The following KCNJ16 variants were observed in gnomAD, a reference collection of about 807,000 sequenced individuals.
KCNJ16 encodes the protein inward rectifier potassium channel 16.
A neutral mutation model predicts 18.5 loss-of-function variants in KCNJ16; 15 were observed. The ratio of observed to expected loss-of-function variants is 0.81; its 90% CI spans 0.54 to 1.25. The LOEUF (loss-of-function observed/expected upper bound fraction) is 1.25. Among genes scored for constraint, KCNJ16 ranks in the 50% most tolerant of loss-of-function variants. KCNJ16 has a pLI of 0.00. For missense variants in KCNJ16, 523 were observed against 525.7 expected (o/e 0.99, Z 0.05); for synonymous variants, 174 against 186.5 (o/e 0.93, Z 0.55).
intron 2 of KCNJ16, among the ~76,000 whole-genome samples, chr17:70,103,937 CTTTTT>C (rs71149820): frequency 7.6e-6 from 1 of 132,016 alleles, no homozygotes; most frequent in Non-Finnish European, 1.6e-5. Context: ...ATTTTATTAT[CTTTTT>C]TTTTTTTTTT....
rs2074145575 is a variant in KCNJ16 at position 70,133,738 on chromosome 17, A to G, written c.*394A>G. ...TACATTTTTAAACATGTCAACATTGATAATACAATGAAGATTTACCATAAA... is the reference window on the plus strand; with the variant it reads ...TACATTTTTAAACATGTCAACATTGGTAATACAATGAAGATTTACCATAAA... On this transcript the variant is annotated 3_prime_UTR_variant, in exon 4 of 4. Coordinates refer to ENST00000392671, the MANE Select transcript of KCNJ16 (RefSeq NM_170741.4). The G allele has an allele frequency of 5.7e-6, 1 of 176,748 alleles. No homozygotes were observed. Among genetic ancestry groups the G allele is most frequent in the East Asian group, 1.8e-4 (1 of 5,604 alleles). The allele number at this position is 176,748 out of a possible 1,614,324, so 10.9% of individuals were successfully genotyped here. A position where few individuals can be genotyped will look rare whatever the true frequency, so the allele number is the denominator to read the frequency against.
chr17:70,082,954 A>G (rs574440279), intron 1 of KCNJ16, among the ~76,000 whole-genome samples: 5 of 152,218 alleles, frequency 3.3e-5, no homozygotes, highest in South Asian at 4.1e-4. Context: ...TTCATCTACA[A>G]AATAAAAATA....
At chr17:70,103,295 T>TGTGTGTGTGG (rs1469513926) in intron 2 of KCNJ16, among the ~76,000 whole-genome samples, 1 of 26,170 alleles carries the variant, frequency 3.8e-5, no homozygotes, top group East Asian at 3.6e-3. Flanking sequence ...TATGTGTGTG[T>TGTGTGTGTGG]GTATATATAT....
intron 3 of KCNJ16, chr17:70,131,254 A>G (rs1217920344): frequency 2.3e-6 from 2 of 880,548 alleles, no homozygotes; most frequent in East Asian, 3.3e-5. Context: ...TATGAGACAA[A>G]GACAGAGGCA....
chr17:70,093,187 G>T (rs1337803702), intron 1 of KCNJ16, among the ~76,000 whole-genome samples: 1 of 152,212 alleles, frequency 6.6e-6, no homozygotes, highest in African/African-American at 2.4e-5. Flanking sequence ...AGTATTATTT[G>T]TCTAAGGCTG....
chr17:70,119,109 T>C (rs997043948), intron 2 of KCNJ16, among the ~76,000 whole-genome samples: 1 of 152,186 alleles, frequency 6.6e-6, no homozygotes, highest in African/African-American at 2.4e-5. Context: ...AGTCATAAAA[T>C]CTTAATGCTC....
chr17:70,100,429 C>T (rs1402959876), intron 1 of KCNJ16, among the ~76,000 whole-genome samples: 1 of 152,128 alleles, frequency 6.6e-6, no homozygotes, highest in Admixed American at 6.5e-5. Context: ...GTCTTCAGTA[C>T]TGGAATTTAC....
In KCNJ16 at chr17:70,132,179, G is replaced by A. The variant is rs776614087; in HGVS notation, c.92G>A (p.Arg31Lys). ...GAGCACATTATAGCTGAGAAGAGAA[G>A]AGCAAGAAGACGATTACTTCACAAA... is the stretch of plus-strand genomic sequence containing the variant. Reference protein sequence around the residue: ...PPEHIIAEKRRARRRLLHKDG... With the variant: ...PPEHIIAEKRKARRRLLHKDG... Residue 31 changes from arginine (R) to lysine (K), a missense_variant, in exon 4 of 4, where the codon AGA becomes AAA. Arg to Lys is a conservative substitution (Grantham distance 26). Coordinates refer to ENST00000392671, the MANE Select transcript of KCNJ16 (RefSeq NM_170741.4). The A allele has an allele frequency of 3.7e-6, 6 of 1,614,094 alleles. No homozygotes were observed. Among genetic ancestry groups the A allele is most frequent in the Admixed American group, 3.3e-5 (2 of 60,004 alleles).
At chr17:70,086,593 A>G (rs1335341028) in intron 1 of KCNJ16, among the ~76,000 whole-genome samples, 1 of 152,164 alleles carries the variant, frequency 6.6e-6, no homozygotes, top group Non-Finnish European at 1.5e-5. Context: ...AAGAAATAGG[A>G]TGTTTACTAT....
Position 70,134,770 on chromosome 17 carries a change from C to A in KCNJ16, c.*1426C>A, listed in dbSNP as rs559728046. 1.2e-5 allele frequency: 2 copies of A among 167,004 alleles called. No homozygotes were observed. The highest frequency in any genetic ancestry group is 2.9e-5 in the Non-Finnish European group (2 of 68,116). 10.3% of individuals were successfully genotyped at this position (167,004 alleles called of 1,614,324 possible). ...TTATTTAAATACACACCCAGACACA[C>A]ACACACACAGTTTTTGCTTTTTCTG... On this transcript the variant is annotated 3_prime_UTR_variant, in exon 4 of 4. Coordinates refer to ENST00000392671, the MANE Select transcript of KCNJ16 (RefSeq NM_170741.4).
chr17:70,091,743 A>C (rs536613718), intron 1 of KCNJ16, among the ~76,000 whole-genome samples: 1 of 152,300 alleles, frequency 6.6e-6, no homozygotes, highest in East Asian at 1.9e-4. Flanking sequence ...TTAGACACTT[A>C]AGGGCTGCTT....
rs1481895648 is a variant in KCNJ16, at chr17:70,133,368, T to C, written c.*24T>C. 1.3e-6 allele frequency: 2 copies of C among 1,572,580 alleles called. No homozygotes were observed. The highest frequency in any genetic ancestry group is 1.7e-6 in the Non-Finnish European group (2 of 1,155,660). ...AGTCCTAAATTGCAATTATGAGGGC[T>C]ACCACTGAATCATTTTATCTTTCAG... On this transcript the variant is annotated 3_prime_UTR_variant, in exon 4 of 4. Coordinates refer to ENST00000392671, the MANE Select transcript of KCNJ16 (RefSeq NM_170741.4).
chr17:70,089,328 CGTAA>C (rs748901264), intron 1 of KCNJ16, among the ~76,000 whole-genome samples: 27 of 152,066 alleles, frequency 1.8e-4, no homozygotes, highest in Admixed American at 9.2e-4. Context: ...CAGTTGGCCC[CGTAA>C]GTTTTTATTT....
At chr17:70,087,023 C>T (rs11657472) in intron 1 of KCNJ16, among the ~76,000 whole-genome samples, 129,256 of 151,334 alleles carry the variant, frequency 0.85, 55,309 homozygotes, top group East Asian at 0.99. Context: ...CTCAGCCCCC[C>T]GAGTAGCTGG....
chr17:70,086,948 G>C (rs1376160925), intron 1 of KCNJ16, among the ~76,000 whole-genome samples: 1 of 152,002 alleles, frequency 6.6e-6, no homozygotes, highest in Non-Finnish European at 1.5e-5. Flanking sequence ...ACCCAGGCTG[G>C]AGTGCAATGG....
intron 2 of KCNJ16, among the ~76,000 whole-genome samples, chr17:70,107,484 T>G (rs1377791264): frequency 1.3e-5 from 2 of 152,172 alleles, no homozygotes; most frequent in African/African-American, 4.8e-5. Context: ...AGTTGTATTT[T>G]TTTTTCATTG....
chr17:70,109,477 G>A (rs1265943972), intron 2 of KCNJ16, among the ~76,000 whole-genome samples: 1 of 152,092 alleles, frequency 6.6e-6, no homozygotes, highest in Non-Finnish European at 1.5e-5. Context: ...ATTTGATGCA[G>A]ACTTCTTAGC....
At chr17:70,086,675 G>T (rs2071811292) in intron 1 of KCNJ16, among the ~76,000 whole-genome samples, 1 of 151,978 alleles carries the variant, frequency 6.6e-6, no homozygotes, top group Admixed American at 6.6e-5. Flanking sequence ...AGGATGACTG[G>T]GCTTCTGAAG....
intron 2 of KCNJ16, among the ~76,000 whole-genome samples, chr17:70,108,119 G>C (rs2073015882): frequency 6.6e-6 from 1 of 152,158 alleles, no homozygotes; most frequent in Non-Finnish European, 1.5e-5. Flanking sequence ...CATGAATACA[G>C]AGTATTCGTA....
Sources: allele counts gnomAD v4.1 joint callset (sites outside exome capture counted in the v4.1 genomes callset), GRCh38; gene constraint gnomAD v4.1.1; transcripts MANE v1.5; gene names NCBI Gene and HGNC (gene_info 2026-07-23, HGNC 2026-07-21).